The following MALSU1 variants were observed in gnomAD, a reference collection of about 807,000 sequenced individuals.
MALSU1 encodes mitochondrial assembly of ribosomal large subunit protein 1.
Under a neutral mutation model 22.1 loss-of-function variants are expected in MALSU1, and 22 were observed. That is an observed-to-expected ratio of 1.00 (90% CI 0.71 to 1.42). The LOEUF (loss-of-function observed/expected upper bound fraction) is 1.42, where lower values mean the gene tolerates loss of function less well. Ranked by LOEUF, MALSU1 falls within the 40% of genes most tolerant of loss-of-function variation. The pLI is 0.00. For missense variants in MALSU1, 379 were observed against 308.3 expected, an observed-to-expected ratio of 1.23 and a Z score of -1.72; for synonymous variants, 153 against 118.5, an observed-to-expected ratio of 1.29 and a Z score of -1.89.
rs569963136 is a variant in MALSU1, at chr7:23,306,447, C to T, written c.436-1421C>T. Among the ~76,000 whole-genome samples the T allele has an allele frequency of 1.4e-4, 21 of 148,176 alleles. 1 individual carries two copies. Among genetic ancestry groups the T allele is most frequent in the Admixed American group, 9.4e-4 (14 of 14,926 alleles). ...TGGGTACCTTTTTTTTTTTTATTGA[C>T]GAATTGCTCTGACTAGAACTTCCAA... On this transcript the variant is annotated intron_variant, in intron 2 of 3. Transcript: ENST00000466681.
intron 2 of MALSU1, among the ~76,000 whole-genome samples, chr7:23,305,606 A>C (rs1189704708): frequency 6.6e-6 from 1 of 152,032 alleles, no homozygotes; most frequent in Non-Finnish European, 1.5e-5. Flanking sequence ...TAAACTCCTA[A>C]CCTCAGGTGA....
At chr7:23,309,245 C>A in intron 3 of MALSU1, 111 bp from the exon 4 acceptor site, 1 of 994,806 alleles carries the variant, frequency 1.0e-6, no homozygotes, top group Non-Finnish European at 1.5e-6. Context: ...ATCTGGGAAC[C>A]ACACTTGAGA....
chr7:23,307,826 C>A, intron 2 of MALSU1, 42 bp from the exon 3 acceptor site: 2 of 1,319,150 alleles, frequency 1.5e-6, no homozygotes, highest in Non-Finnish European at 2.2e-6. Flanking sequence ...ACAGGCTTCC[C>A]CCATCCCCTC....
rs1279658635 is a variant in MALSU1 at position 23,299,555 on chromosome 7, AGGAGCGGGC to A, written c.208_216del (p.Arg70_Glu72del). 6.2e-6 allele frequency: 10 copies of A among 1,610,472 alleles called. No individual in the cohort carries two copies. The highest frequency in any genetic ancestry group is 8.5e-6 in the Non-Finnish European group (10 of 1,178,678). ...GGCCTGCACAGCGAGCCTGGGCTGG[AGGAGCGGGC>A]GGAGGGGACGGTCAACGAGGGACGC... is the stretch of plus-strand genomic sequence containing the variant. On this transcript the variant is annotated inframe_deletion, in exon 1 of 4. Coordinates refer to ENST00000466681, the MANE Select transcript of MALSU1 (RefSeq NM_138446.2).
rs771783406 is a variant in MALSU1 at position 23,299,552 on chromosome 7, T to C, written c.200T>C (p.Leu67Pro). The C allele has an allele frequency of 6.2e-7, 1 of 1,611,018 alleles. No individual in the cohort carries two copies. The highest frequency in any genetic ancestry group is 8.5e-7 in the Non-Finnish European group (1 of 1,178,916). ...CGCGGCCTGCACAGCGAGCCTGGGC[T>C]GGAGGAGCGGGCGGAGGGGACGGTC... ...FVRGLHSEPGLEERAEGTVNE... is the reference protein window; with the variant it reads ...FVRGLHSEPGPEERAEGTVNE... Residue 67 changes from leucine to proline, a missense_variant, in exon 1 of 4, where the codon CTG becomes CCG. Leu to Pro is a moderately conservative substitution (Grantham distance 98). Coordinates refer to ENST00000466681, the MANE Select transcript of MALSU1 (RefSeq NM_138446.2).
chr7:23,307,217 TTTAGTTGTCTTTTTTC>T (rs1433960597), intron 2 of MALSU1, among the ~76,000 whole-genome samples: 1 of 152,210 alleles, frequency 6.6e-6, no homozygotes, highest in East Asian at 1.9e-4. Flanking sequence ...CATTTCAGAT[TTTAGTTGTCTTTTTTC>T]TTAGTCATTC....
chr7:23,302,287 A>G (rs558721920), intron 2 of MALSU1, among the ~76,000 whole-genome samples: 1 of 152,232 alleles, frequency 6.6e-6, no homozygotes, highest in Non-Finnish European at 1.5e-5. Flanking sequence ...TGAGGAAGAA[A>G]GTACTTGGAA....
chr7:23,302,317 ACCATT>A (rs1254557560), intron 2 of MALSU1, among the ~76,000 whole-genome samples: 1 of 152,238 alleles, frequency 6.6e-6, no homozygotes, highest in Non-Finnish European at 1.5e-5. Flanking sequence ...TGACTCTGGT[ACCATT>A]CCACGGGGCC....
At chr7:23,304,801 T>C (rs772587828) in intron 2 of MALSU1, among the ~76,000 whole-genome samples, 38 of 152,226 alleles carry the variant, frequency 2.5e-4, no homozygotes, top group Non-Finnish European at 4.3e-4. Context: ...TGTTGTTGAG[T>C]TGTAGGAGCT....
At chr7:23,309,014 A>AAAAC (rs1228687184) in intron 3 of MALSU1, among the ~76,000 whole-genome samples, 1 of 152,234 alleles carries the variant, frequency 6.6e-6, no homozygotes, top group African/African-American at 2.4e-5. Context: ...TTGGATAGTC[A>AAAAC]AAACAAAAGG....
rs1327580664 is a variant in MALSU1, at chr7:23,300,721, A to G, written c.257-118A>G. Reference sequence around the variant, plus strand: ...AGGAGGCCTTTACCCTGCTATCTGTAAAAACACTTTGGATCTAAACACCCT... The same window carrying G: ...AGGAGGCCTTTACCCTGCTATCTGTGAAAACACTTTGGATCTAAACACCCT... On this transcript the variant is annotated intron_variant, in intron 1 of 3. Transcript: ENST00000466681. 11 of 862,856 alleles carry G rather than the reference A, an allele frequency of 1.3e-5. No homozygotes were observed. In the Admixed American group the frequency reaches 2.2e-4, roughly 17 times the overall value. 53.4% of individuals were successfully genotyped at this position (862,856 alleles called of 1,614,324 possible). A position where few individuals can be genotyped will look rare whatever the true frequency, so the allele number is the denominator to read the frequency against.
chr7:23,309,281 C>T, intron 3 of MALSU1, 75 bp from the exon 4 acceptor site: 1 of 1,317,202 alleles, frequency 7.6e-7, no homozygotes, highest in Non-Finnish European at 1.0e-6. Context: ...CTAGAGTTAG[C>T]CAGTGTGTGT....
chr7:23,300,980 G>A lies in MALSU1; in HGVS notation c.398G>A (p.Arg133Gln), dbSNP rs780906593. Reference sequence around the variant, plus strand: ...GTGATTGTTAGTGGAACTTCTACCCGACACTTACATGCCATGGCCTTCTAC... The same window carrying A: ...GTGATTGTTAGTGGAACTTCTACCCAACACTTACATGCCATGGCCTTCTAC... Reference protein sequence around the residue: ...YFVIVSGTSTRHLHAMAFYVV... With the variant: ...YFVIVSGTSTQHLHAMAFYVV... Residue 133 changes from arginine (R) to glutamine (Q), a missense_variant, in exon 2 of 4, where the codon CGA becomes CAA. Coordinates refer to ENST00000466681, the MANE Select transcript of MALSU1 (RefSeq NM_138446.2). The A allele has an allele frequency of 1.9e-6, 3 of 1,613,834 alleles. No individual in the cohort carries two copies. The highest frequency in any genetic ancestry group is 2.7e-5 in the African/African-American group (2 of 74,882).
At chr7:23,308,143 A>C (rs184554644) in intron 3 of MALSU1, among the ~76,000 whole-genome samples, 194 bp downstream of exon 3, 1 of 152,296 alleles carries the variant, frequency 6.6e-6, no homozygotes, top group East Asian at 1.9e-4. Flanking sequence ...TTTTCACCTA[A>C]CCAAACCAAA....
At chr7:23,311,727 CATT>C (rs34414305) in exon 4 of MALSU1, 34,025 of 152,350 alleles carry the variant, frequency 0.22, 4,825 homozygotes, top group Middle Eastern at 0.34. Flanking sequence ...GGACTTCTAT[CATT>C]ATAAAGTATA....
chr7:23,306,383 A>G (rs1783723024), intron 2 of MALSU1, among the ~76,000 whole-genome samples: 1 of 149,424 alleles, frequency 6.7e-6, no homozygotes, highest in African/African-American at 2.5e-5. Context: ...ATGAAGTTGT[A>G]TTGTCTTCAG....
At chr7:23,302,596 G>A (rs538031485) in intron 2 of MALSU1, among the ~76,000 whole-genome samples, 1 of 152,322 alleles carries the variant, frequency 6.6e-6, no homozygotes, top group Non-Finnish European at 1.5e-5. Context: ...GTGGGATGGA[G>A]TCAGAAGACT....
At position 23,300,941 on chromosome 7, in the gene MALSU1, A is replaced by T; in HGVS notation, c.359A>T (p.Tyr120Phe). 1 of 1,614,014 alleles carries T rather than the reference A, an allele frequency of 6.2e-7. No individual in the cohort carries two copies. Among genetic ancestry groups the T allele is most frequent in the Non-Finnish European group, 8.5e-7 (1 of 1,179,898 alleles). Residue 120 changes from tyrosine (Y) to phenylalanine (F), a missense_variant, in exon 2 of 4, where the codon TAT becomes TTT. Tyr to Phe is a conservative substitution (Grantham distance 22). Transcript: ENST00000466681. The part of the protein sequence containing the change: ...CVIQVPPEMR[Y>F]TDYFVIVSGT... ...ATCCAGGTTCCTCCAGAAATGAGATATACAGATTACTTTGTGATTGTTAGT... is the reference window on the plus strand; with the variant it reads ...ATCCAGGTTCCTCCAGAAATGAGATTTACAGATTACTTTGTGATTGTTAGT...
At chr7:23,307,288 C>G (rs542047336) in intron 2 of MALSU1, among the ~76,000 whole-genome samples, 9 of 152,214 alleles carry the variant, frequency 5.9e-5, no homozygotes, top group East Asian at 3.9e-4. Flanking sequence ...TTTTCCTGCC[C>G]TAATTATCAT....
Sources: gnomAD v4.1 joint callset for allele counts (sites outside exome capture counted in the v4.1 genomes callset) on GRCh38, gnomAD v4.1.1 for gene constraint, MANE v1.5 for transcripts, NCBI Gene and HGNC (gene_info 2026-07-23, HGNC 2026-07-21) for gene names.